FOCAD: variants seen among roughly 807,000 people sequenced by gnomAD.
FOCAD encodes KIAA1797.
FOCAD carries 198 observed loss-of-function variants against 225.6 expected under a neutral mutation model. The ratio of observed to expected loss-of-function variants is 0.88; its 90% CI spans 0.78 to 0.99. The LOEUF is 0.99. Among genes scored for constraint, FOCAD ranks in the 50% least tolerant of loss-of-function variants. The pLI is 0.00. For synonymous variants in FOCAD, 897 were observed against 755.0 expected, an observed-to-expected ratio of 1.19 and a Z score of -3.08; for missense variants, 2,713 against 2,123.6, an observed-to-expected ratio of 1.28 and a Z score of -5.46.
intron 8 of FOCAD, among the ~76,000 whole-genome samples, chr9:20,777,304 G>GTTTTTTTTTTTTTTTTTTTTTT (rs35710134): frequency 9.0e-6 from 1 of 110,866 alleles, no homozygotes; most frequent in Non-Finnish European, 1.8e-5. Context: ...TTTCCTGTGG[G>GTTTTTTTTTTTTTTTTTTTTTT]TTTTTTTTTT....
intron 40 of FOCAD, among the ~76,000 whole-genome samples, chr9:20,987,956 G>C (rs145759131): frequency 1.2e-3 from 178 of 152,326 alleles, no homozygotes; most frequent in African/African-American, 4.2e-3. Context: ...GAACACTGAA[G>C]CAAAGGAGAA....
Position 20,986,332 on chromosome 9 carries a change from T to C in FOCAD, c.4773T>C (p.Ser1591=), listed in dbSNP as rs1337595895. Residue 1591 remains serine, a synonymous_variant, in exon 40 of 44, where the codon TCT becomes TCC. Transcript: ENST00000338382. ...CCTTTGTCAAACTGTACTTAGTCTC[T>C]CAAGGACGATTCCCCTTGGTGAACC... ...KAAFVKLYLV[S]QGRFPLVNLT... 1 of 1,565,866 alleles carries C rather than the reference T, an allele frequency of 6.4e-7. No homozygotes were observed. Among genetic ancestry groups the C allele is most frequent in the Non-Finnish European group, 8.7e-7 (1 of 1,154,108 alleles).
intron 28 of FOCAD, among the ~76,000 whole-genome samples, chr9:20,942,028 C>G (rs1201467386): frequency 3.9e-5 from 6 of 152,076 alleles, no homozygotes; most frequent in Admixed American, 3.9e-4. Context: ...AGTTTTAGGA[C>G]TACATTATTG....
intron 35 of FOCAD, among the ~76,000 whole-genome samples, chr9:20,959,154 C>T (rs1838471093): frequency 6.6e-6 from 1 of 152,172 alleles, no homozygotes; most frequent in Non-Finnish European, 1.5e-5. Context: ...TTCCCACCAA[C>T]AGTGAATGAA....
intron 24 of FOCAD, among the ~76,000 whole-genome samples, chr9:20,923,335 A>T (rs548849489): frequency 1.3e-5 from 2 of 152,192 alleles, no homozygotes; most frequent in African/African-American, 4.8e-5. Context: ...TTGGCCAAAG[A>T]TGACACAGAA....
intron 28 of FOCAD, among the ~76,000 whole-genome samples, chr9:20,944,401 G>A (rs1374446009): frequency 2.6e-5 from 4 of 152,126 alleles, no homozygotes; most frequent in Non-Finnish European, 5.9e-5. Flanking sequence ...GGGGTGTACA[G>A]CACTAGCATG....
In FOCAD at chr9:20,717,810, T is replaced by C. The variant is rs1225957773; in HGVS notation, c.74T>C (p.Ile25Thr). The C allele has an allele frequency of 2.5e-6, 4 of 1,612,120 alleles. No homozygotes were observed. Among genetic ancestry groups the C allele is most frequent in the South Asian group, 1.1e-5 (1 of 91,032 alleles). The change falls in exon 3 of 44, where the codon ATT (isoleucine) becomes ACT (threonine). Residue 25 changes from isoleucine to threonine, a missense_variant. Ile to Thr is a moderately conservative substitution (Grantham distance 89, BLOSUM62 -1). Transcript: ENST00000338382. ...CTTTTTAAGGCTGTGGGTCATCTTA[T>C]TGCTGCAGTCCTAAAGGAAAATGGT... ...LIQSQAVGHL[I>T]AAVLKENGFS...
At chr9:20,758,339 T>C (rs886425833) in intron 6 of FOCAD, 148 bp downstream of exon 6, 1 of 429,334 alleles carries the variant, frequency 2.3e-6, no homozygotes, top group Non-Finnish European at 4.1e-6. Flanking sequence ...CTAGAGCAGG[T>C]TGTAGTTTTC....
At chr9:20,809,031 C>G (rs574881457) in intron 11 of FOCAD, among the ~76,000 whole-genome samples, 27 of 152,250 alleles carry the variant, frequency 1.8e-4, no homozygotes, top group African/African-American at 5.8e-4. Flanking sequence ...AAAAGCATTA[C>G]GTTGCACATG....
At chr9:20,883,535 TC>T (rs1342796395) in intron 20 of FOCAD, among the ~76,000 whole-genome samples, 1 of 152,206 alleles carries the variant, frequency 6.6e-6, no homozygotes. Flanking sequence ...GATATTGAAG[TC>T]ACTTAGAGTT....
At chr9:20,957,018 T>C (rs1427402440) in intron 35 of FOCAD, among the ~76,000 whole-genome samples, 4 of 152,128 alleles carry the variant, frequency 2.6e-5, no homozygotes, top group Admixed American at 2.6e-4. Flanking sequence ...TAATATTATA[T>C]TATAAACTTT....
intron 15 of FOCAD, among the ~76,000 whole-genome samples, chr9:20,848,264 G>A (rs1827315367): frequency 1.3e-5 from 2 of 151,994 alleles, no homozygotes; most frequent in African/African-American, 4.8e-5. Context: ...TAGACTGAGT[G>A]GGGAAACGCA....
chr9:20,867,937 A>T (rs1829430278), intron 18 of FOCAD, among the ~76,000 whole-genome samples: 1 of 152,128 alleles, frequency 6.6e-6, no homozygotes, highest in Admixed American at 6.6e-5. Flanking sequence ...TACTGAATTG[A>T]ATTGGAGCCA....
At chr9:20,681,299 G>A (rs1179373094), upstream of FOCAD, among the ~76,000 whole-genome samples, 1 of 152,084 alleles carries the variant, frequency 6.6e-6, no homozygotes, top group Non-Finnish European at 1.5e-5. Context: ...GGCCCTCACT[G>A]TTGCCCTGGA....
chr9:20,989,658 A>C (rs551061094), intron 41 of FOCAD, among the ~76,000 whole-genome samples: 6 of 152,230 alleles, frequency 3.9e-5, no homozygotes, highest in African/African-American at 4.8e-5. Context: ...ATTTCTTAAA[A>C]CATTTTTTAA....
intron 1 of FOCAD, among the ~76,000 whole-genome samples, chr9:20,708,637 C>T (rs538821078): frequency 1.3e-4 from 20 of 151,932 alleles, no homozygotes; most frequent in African/African-American, 3.6e-4. Context: ...TAGCCAGGCA[C>T]GGTGGTGCAT....
At chr9:20,933,428 A>G (rs1036974847) in intron 28 of FOCAD, among the ~76,000 whole-genome samples, 5 of 152,204 alleles carry the variant, frequency 3.3e-5, no homozygotes, top group African/African-American at 4.8e-5. Context: ...GCTCCCACTT[A>G]TGAGTGAGAA....
rs528378008 is a variant in FOCAD at position 20,704,351 on chromosome 9, A to C, written c.-32-10971A>C. On this transcript the variant is annotated intron_variant, in intron 1 of 43. Transcript: ENST00000338382. ...AGCTTTCATTAGCACTCAGTATGCAAATTAAAATAGCTAAACCATATCTAT... is the reference window on the plus strand; with the variant it reads ...AGCTTTCATTAGCACTCAGTATGCACATTAAAATAGCTAAACCATATCTAT... Among the ~76,000 whole-genome samples, 10 of 152,330 alleles carry C rather than the reference A, an allele frequency of 6.6e-5. No individual in the cohort carries two copies. In the East Asian group the frequency reaches 1.7e-3, roughly 26 times the overall value.
chr9:20,828,158 A>G (rs1245558210), intron 15 of FOCAD, among the ~76,000 whole-genome samples: 1 of 151,696 alleles, frequency 6.6e-6, no homozygotes, highest in Non-Finnish European at 1.5e-5. Context: ...GTCTCAAGAA[A>G]AAAAAAAAAA....
Sources: gnomAD v4.1 joint callset for allele counts (sites outside exome capture counted in the v4.1 genomes callset) on GRCh38, gnomAD v4.1.1 for gene constraint, MANE v1.5 for transcripts, NCBI Gene and HGNC (gene_info 2026-07-23, HGNC 2026-07-21) for gene names.